The following CRPPA variants were observed in gnomAD, a reference collection of about 807,000 sequenced individuals.
CRPPA encodes CDP-L-ribitol pyrophosphorylase A.
In CRPPA, 43 loss-of-function variants were observed where a neutral mutation model predicts 52.0. That is an observed-to-expected ratio of 0.83 (90% CI 0.65 to 1.07). CRPPA has a LOEUF of 1.07. CRPPA is among the 50% of genes least tolerant of loss of function. The pLI is 0.00. For missense variants in CRPPA, 629 were observed against 551.7 expected, an observed-to-expected ratio of 1.14 and a Z score of -1.40; for synonymous variants, 250 against 203.5, an observed-to-expected ratio of 1.23 and a Z score of -1.94.
intron 2 of CRPPA, among the ~76,000 whole-genome samples, chr7:16,398,128 C>A (rs563659502): frequency 6.6e-6 from 1 of 151,912 alleles, no homozygotes; most frequent in Non-Finnish European, 1.5e-5. Flanking sequence ...TGACATTATT[C>A]GCACTTGACT....
At chr7:16,302,006 A>G (rs532539351) in intron 4 of CRPPA, among the ~76,000 whole-genome samples, 2 of 152,312 alleles carry the variant, frequency 1.3e-5, no homozygotes, top group South Asian at 4.1e-4. Flanking sequence ...GGGTACCACT[A>G]TGTGTCTAAG....
chr7:16,368,966 T>C (rs1786678843), intron 3 of CRPPA, among the ~76,000 whole-genome samples: 1 of 152,228 alleles, frequency 6.6e-6, no homozygotes, highest in Non-Finnish European at 1.5e-5. Context: ...ATATAAAATA[T>C]GTGTCTACAT....
At chr7:16,410,069 T>C (rs1482423516) in intron 1 of CRPPA, among the ~76,000 whole-genome samples, 1 of 152,218 alleles carries the variant, frequency 6.6e-6, no homozygotes, top group African/African-American at 2.4e-5. Flanking sequence ...TAAATAAATC[T>C]AAGAATGAAA....
At chr7:16,129,748 T>C (rs1170796642) in intron 9 of CRPPA, among the ~76,000 whole-genome samples, 2 of 152,218 alleles carry the variant, frequency 1.3e-5, no homozygotes, top group Admixed American at 6.5e-5. Context: ...CTGGAACTAT[T>C]TGTTGCTGAG....
intron 8 of CRPPA, among the ~76,000 whole-genome samples, chr7:16,230,874 C>T (rs1024719630): frequency 1.3e-5 from 2 of 152,118 alleles, no homozygotes; most frequent in East Asian, 1.9e-4. Flanking sequence ...TGGCCAGAAG[C>T]GAGGGGCCAC....
chr7:16,331,564 C>T (rs1380239725), intron 3 of CRPPA, among the ~76,000 whole-genome samples: 16 of 152,128 alleles, frequency 1.1e-4, no homozygotes, highest in Non-Finnish European at 1.9e-4. Flanking sequence ...ATTAATAGAA[C>T]ATTTAGAACT....
chr7:16,221,076 G>A (rs898829074), intron 8 of CRPPA, among the ~76,000 whole-genome samples: 2 of 151,916 alleles, frequency 1.3e-5, no homozygotes, highest in Non-Finnish European at 2.9e-5. Context: ...AAAACAGCAT[G>A]GTACTGGTAC....
At chr7:16,108,619 T>C (rs1051183618) in intron 9 of CRPPA, among the ~76,000 whole-genome samples, 4 of 151,866 alleles carry the variant, frequency 2.6e-5, no homozygotes, top group African/African-American at 9.7e-5. Flanking sequence ...CTCACAGACT[T>C]ATACAGAACA....
At chr7:16,137,877 GA>G (rs1467371164) in intron 9 of CRPPA, among the ~76,000 whole-genome samples, 1 of 152,048 alleles carries the variant, frequency 6.6e-6, no homozygotes, top group Non-Finnish European at 1.5e-5. Context: ...AAACCATGAT[GA>G]ATTGTACAAT....
At chr7:16,309,739 A>C (rs1367805647) in intron 3 of CRPPA, among the ~76,000 whole-genome samples, 1 of 152,120 alleles carries the variant, frequency 6.6e-6, no homozygotes, top group Non-Finnish European at 1.5e-5. Flanking sequence ...TGAATATGGC[A>C]TCAAGCACCC....
chr7:16,187,485 C>T (rs1781529337), intron 9 of CRPPA, among the ~76,000 whole-genome samples: 1 of 152,144 alleles, frequency 6.6e-6, no homozygotes, highest in Non-Finnish European at 1.5e-5. Flanking sequence ...TTTCGGAATC[C>T]TTTTCAAGTC....
intron 9 of CRPPA, among the ~76,000 whole-genome samples, chr7:16,130,572 C>T (rs556158952): frequency 6.6e-6 from 1 of 152,280 alleles, no homozygotes; most frequent in East Asian, 1.9e-4. Flanking sequence ...ACTGACTCCA[C>T]CCCTCCTTCT....
Position 16,267,709 on chromosome 7 carries a change from A to T in CRPPA, c.934-8697T>A, listed in dbSNP as rs543544847. 3.4e-4 allele frequency among the ~76,000 whole-genome samples: 52 copies of T among 152,314 alleles called. 1 individual carries two copies. In the South Asian group the frequency reaches 0.011, roughly 32 times the overall value. On this transcript the variant is annotated intron_variant, in intron 6 of 9. Coordinates refer to ENST00000407010, the MANE Select transcript of CRPPA (RefSeq NM_001101426.4). Reference sequence around the variant, plus strand: ...TAAGTTTACAACGTAATTTAATTTAAATGCATAAAGTTTTTATTTTTCCTA... The same window carrying T: ...TAAGTTTACAACGTAATTTAATTTATATGCATAAAGTTTTTATTTTTCCTA...
At chr7:16,245,447 C>G (rs1035312935) in intron 8 of CRPPA, among the ~76,000 whole-genome samples, 4 of 152,120 alleles carry the variant, frequency 2.6e-5, no homozygotes, top group Non-Finnish European at 5.9e-5. Flanking sequence ...AAGGATGAAG[C>G]CTGATCAGTC....
intron 9 of CRPPA, among the ~76,000 whole-genome samples, chr7:16,123,568 A>C (rs1393463537): frequency 6.6e-6 from 1 of 152,196 alleles, no homozygotes; most frequent in Non-Finnish European, 1.5e-5. Context: ...GGGACCACCC[A>C]ACATGCTAGG....
chr7:16,159,343 G>A (rs6948977), intron 9 of CRPPA, among the ~76,000 whole-genome samples: 7 of 152,022 alleles, frequency 4.6e-5, no homozygotes, highest in Admixed American at 1.3e-4. Context: ...ATTAAGGAAC[G>A]CTTGTTTGTT....
At chr7:16,275,567 G>A (rs1206892637) in intron 6 of CRPPA, among the ~76,000 whole-genome samples, 1 of 152,038 alleles carries the variant, frequency 6.6e-6, no homozygotes, top group South Asian at 2.1e-4. Flanking sequence ...CAATGGTCAT[G>A]CCTGTATTTC....
At chr7:16,360,635 C>T (rs1037970674) in intron 3 of CRPPA, among the ~76,000 whole-genome samples, 2 of 152,178 alleles carry the variant, frequency 1.3e-5, no homozygotes, top group African/African-American at 4.8e-5. Flanking sequence ...ACAAGAAACA[C>T]TCTTCAACAA....
chr7:16,357,869 T>C (rs1385727984), intron 3 of CRPPA, among the ~76,000 whole-genome samples: 2 of 152,160 alleles, frequency 1.3e-5, no homozygotes, highest in Non-Finnish European at 2.9e-5. Context: ...GGAAGTTTCA[T>C]GGCTTGAGGT....
Sources: allele counts gnomAD v4.1 joint callset (sites outside exome capture counted in the v4.1 genomes callset), GRCh38; gene constraint gnomAD v4.1.1; transcripts MANE v1.5; gene names NCBI Gene and HGNC (gene_info 2026-07-23, HGNC 2026-07-21).